The following NPAS3 variants were observed in gnomAD, a reference collection of about 807,000 sequenced individuals.
NPAS3 encodes the protein neuronal PAS domain protein 3, also known as neuronal PAS domain-containing protein 3.
NPAS3 carries 14 observed loss-of-function variants against 73.1 expected under a neutral mutation model. That is an observed-to-expected ratio of 0.19 (90% CI 0.13 to 0.30). The LOEUF is 0.30. NPAS3 is among the 10% of genes least tolerant of loss of function. The pLI, the probability that NPAS3 is intolerant of heterozygous loss-of-function variation, is 1.00. For synonymous variants in NPAS3, 620 were observed against 541.5 expected (o/e 1.14, Z -2.01); for missense variants, 1,096 against 1,250.0 (o/e 0.88, Z 1.86).
chr14:33,514,587 A>G (rs2053214303), intron 4 of NPAS3, among the ~76,000 whole-genome samples: 1 of 152,086 alleles, frequency 6.6e-6, no homozygotes, highest in African/African-American at 2.4e-5. Flanking sequence ...AATCTCGTCA[A>G]GAAGGTTCCA....
At chr14:33,514,641 GA>G (rs2053217165) in intron 4 of NPAS3, among the ~76,000 whole-genome samples, 1 of 151,984 alleles carries the variant, frequency 6.6e-6, no homozygotes, top group South Asian at 2.1e-4. Context: ...ATGAAAGAAA[GA>G]AATTATATCA....
intron 3 of NPAS3, among the ~76,000 whole-genome samples, chr14:33,258,037 A>G (rs1594528633): frequency 1.3e-5 from 2 of 152,324 alleles, no homozygotes; most frequent in South Asian, 2.1e-4. Flanking sequence ...GGAGAGTAGC[A>G]CAGCAAAGTA....
chr14:32,955,898 C>T (rs905196510), intron 1 of NPAS3, among the ~76,000 whole-genome samples: 1 of 151,984 alleles, frequency 6.6e-6, no homozygotes, highest in Non-Finnish European at 1.5e-5. Flanking sequence ...TTAGTAATTC[C>T]TAGTGTATTT....
At chr14:33,033,056 T>C (rs1050567483) in intron 1 of NPAS3, among the ~76,000 whole-genome samples, 1 of 152,196 alleles carries the variant, frequency 6.6e-6, no homozygotes, top group Non-Finnish European at 1.5e-5. Context: ...ATAATAACTC[T>C]AAGAGGTGAT....
chr14:32,996,251 G>A (rs991117742), intron 1 of NPAS3, among the ~76,000 whole-genome samples: 1 of 152,158 alleles, frequency 6.6e-6, no homozygotes, highest in African/African-American at 2.4e-5. Flanking sequence ...GGTGACTTGG[G>A]TGCTTTTAAA....
intron 5 of NPAS3, among the ~76,000 whole-genome samples, chr14:33,621,726 T>G (rs1239838396): frequency 6.6e-6 from 1 of 152,128 alleles, no homozygotes; most frequent in Admixed American, 6.5e-5. Flanking sequence ...GTCTCTTTCC[T>G]TATCAAAACC....
chr14:33,735,760 G>C (rs1251844877), intron 7 of NPAS3, among the ~76,000 whole-genome samples: 1 of 147,670 alleles, frequency 6.8e-6, no homozygotes, highest in East Asian at 2.0e-4. Flanking sequence ...TAACATCTTA[G>C]CCACCGAGAT....
chr14:33,194,471 A>G (rs1476952526), intron 2 of NPAS3, among the ~76,000 whole-genome samples: 2 of 152,196 alleles, frequency 1.3e-5, no homozygotes, highest in Non-Finnish European at 2.9e-5. Context: ...ATCAAGTGAA[A>G]TTAACTTAAA....
intron 3 of NPAS3, among the ~76,000 whole-genome samples, chr14:33,296,846 T>C (rs2042322055): frequency 6.6e-6 from 1 of 152,190 alleles, no homozygotes; most frequent in Non-Finnish European, 1.5e-5. Context: ...GAGCTACTTA[T>C]AGGTGAAAAG....
At chr14:33,489,283 A>G (rs2051772403) in intron 4 of NPAS3, among the ~76,000 whole-genome samples, 1 of 152,204 alleles carries the variant, frequency 6.6e-6, no homozygotes, top group Non-Finnish European at 1.5e-5. Context: ...TTTTGTTTCC[A>G]TGACATCAGA....
chr14:33,120,934 C>T (rs552286050), intron 2 of NPAS3, among the ~76,000 whole-genome samples: 1 of 152,216 alleles, frequency 6.6e-6, no homozygotes, highest in African/African-American at 2.4e-5. Context: ...AACTCTAGTT[C>T]GTAATGGGTC....
chr14:33,779,831 C>A (rs748810735), intron 9 of NPAS3, among the ~76,000 whole-genome samples: 15 of 152,158 alleles, frequency 9.9e-5, no homozygotes, highest in Admixed American at 7.2e-4. Context: ...AAACAACACA[C>A]GGCTGTACAT....
At chr14:33,223,107 C>T (rs1407129261) in intron 3 of NPAS3, among the ~76,000 whole-genome samples, 1 of 152,004 alleles carries the variant, frequency 6.6e-6, no homozygotes, top group Non-Finnish European at 1.5e-5. Context: ...ATCAGGAGTT[C>T]GAGACCAGCC....
At chr14:33,209,779 T>G (rs2046963486) in intron 2 of NPAS3, among the ~76,000 whole-genome samples, 1 of 152,174 alleles carries the variant, frequency 6.6e-6, no homozygotes, top group African/African-American at 2.4e-5. Context: ...CTGCTTCTCC[T>G]TTACCCTATA....
chr14:33,672,912 T>C (rs187378039), intron 5 of NPAS3, among the ~76,000 whole-genome samples: 99 of 152,314 alleles, frequency 6.5e-4, no homozygotes, highest in Non-Finnish European at 8.8e-4. Flanking sequence ...AAAATTTAAA[T>C]GAAATGAAGT....
chr14:32,986,396 C>G (rs2038100789), intron 1 of NPAS3, among the ~76,000 whole-genome samples: 1 of 152,124 alleles, frequency 6.6e-6, no homozygotes, highest in African/African-American at 2.4e-5. Context: ...GAACCATGGA[C>G]ATTTTGACAC....
chr14:33,139,890 C>G (rs990611228), intron 2 of NPAS3, among the ~76,000 whole-genome samples: 4 of 152,060 alleles, frequency 2.6e-5, no homozygotes, highest in Non-Finnish European at 4.4e-5. Context: ...ACGTGCTTTC[C>G]CTGTCTACTT....
At chr14:33,378,358 AG>A (rs1359259366) in intron 4 of NPAS3, among the ~76,000 whole-genome samples, 2 of 152,154 alleles carry the variant, frequency 1.3e-5, no homozygotes, top group Non-Finnish European at 2.9e-5. Context: ...ACACACACAC[AG>A]TTCACCTCCT....
At chr14:33,371,010 C>A (rs1056011826) in intron 4 of NPAS3, among the ~76,000 whole-genome samples, 1 of 152,004 alleles carries the variant, frequency 6.6e-6, no homozygotes, top group Non-Finnish European at 1.5e-5. Flanking sequence ...AATGATAGTT[C>A]AAATTAAGAA....
Sources: gnomAD v4.1 joint callset for allele counts (sites outside exome capture counted in the v4.1 genomes callset) on GRCh38, gnomAD v4.1.1 for gene constraint, MANE v1.5 for transcripts, NCBI Gene and HGNC (gene_info 2026-07-23, HGNC 2026-07-21) for gene names.